RNF150: variants seen among roughly 807,000 people sequenced by gnomAD.
The protein encoded by RNF150 is ring finger protein 150.
A neutral mutation model predicts 39.3 loss-of-function variants in RNF150; 24 were observed. The observed-to-expected ratio is 0.61, with a 90% CI of 0.44 to 0.86. The LOEUF (loss-of-function observed/expected upper bound fraction) is 0.86, where lower values mean the gene tolerates loss of function less well. Among genes scored for constraint, RNF150 ranks in the 40% least tolerant of loss-of-function variants. The probability of loss-of-function intolerance (pLI) is 0.00; values close to 1 mark genes in which losing one functional copy is unlikely to be tolerated. For missense variants in RNF150, 502 were observed against 587.8 expected, an observed-to-expected ratio of 0.85 and a Z score of 1.51; for synonymous variants, 255 against 227.3, an observed-to-expected ratio of 1.12 and a Z score of -1.10.
chr4:140,954,328 C>T (rs776873697), intron 2 of RNF150, among the ~76,000 whole-genome samples: 1 of 152,106 alleles, frequency 6.6e-6, no homozygotes. Flanking sequence ...GATTCTCATA[C>T]CTCAGCCTCC....
chr4:140,974,159 C>A (rs1046498539), intron 1 of RNF150, among the ~76,000 whole-genome samples: 2 of 152,066 alleles, frequency 1.3e-5, no homozygotes, highest in Non-Finnish European at 2.9e-5. Context: ...CATATTCCAC[C>A]ATCAATAAGA....
intron 1 of RNF150, among the ~76,000 whole-genome samples, chr4:141,076,516 G>A (rs925736085): frequency 3.3e-5 from 5 of 151,652 alleles, no homozygotes; most frequent in African/African-American, 1.2e-4. Flanking sequence ...TAAGGCTCAA[G>A]TATAATGTCA....
intron 1 of RNF150, among the ~76,000 whole-genome samples, chr4:141,114,317 G>A (rs1331370002): frequency 1.3e-5 from 2 of 151,510 alleles, no homozygotes; most frequent in African/African-American, 2.4e-5. Flanking sequence ...AAAATGACGA[G>A]GATATCACCA....
chr4:141,104,418 G>A (rs112260285), intron 1 of RNF150, among the ~76,000 whole-genome samples: 33 of 152,270 alleles, frequency 2.2e-4, no homozygotes, highest in African/African-American at 7.7e-4. Context: ...TCAGAGCTGA[G>A]CAGCAACTGA....
At chr4:141,077,019 A>G (rs567109514) in intron 1 of RNF150, among the ~76,000 whole-genome samples, 2 of 152,270 alleles carry the variant, frequency 1.3e-5, no homozygotes, top group East Asian at 1.9e-4. Context: ...GTGGCTGGTC[A>G]TGATCCTGAA....
intron 1 of RNF150, among the ~76,000 whole-genome samples, chr4:140,968,837 T>C (rs1733351052): frequency 6.6e-6 from 1 of 151,566 alleles, no homozygotes; most frequent in South Asian, 2.1e-4. Context: ...CAGATTCAAA[T>C]ATTAATATTA....
rs534345165 is a variant in RNF150 at position 141,063,618 on chromosome 4, C to A, written c.484+68707G>T. ...TTTCCAGTAGCCACCTGGGAAAGGG[C>A]TGGATGGGGGTGGACGTTGTTTTAT... On this transcript the variant is annotated intron_variant, in intron 1 of 6. Coordinates refer to ENST00000515673, the MANE Select transcript of RNF150 (RefSeq NM_020724.2). Among the ~76,000 whole-genome samples, 4 of 152,192 alleles carry A rather than the reference C, an allele frequency of 2.6e-5. No homozygotes were observed. The East Asian group carries it at 7.7e-4, about 29-fold the overall frequency.
chr4:141,010,007 G>A (rs1312373274), intron 1 of RNF150, among the ~76,000 whole-genome samples: 4 of 152,178 alleles, frequency 2.6e-5, no homozygotes, highest in Admixed American at 1.3e-4. Context: ...GTTACTTGAT[G>A]TGTTTGCTTT....
chr4:140,988,482 CAAATAT>C (rs1418640029), intron 1 of RNF150, among the ~76,000 whole-genome samples: 2 of 151,940 alleles, frequency 1.3e-5, no homozygotes, highest in African/African-American at 2.4e-5. Flanking sequence ...AAAATATTCA[CAAATAT>C]ATATATATAT....
chr4:141,197,877 CA>C (rs112112720), intron 1 of RNF150, among the ~76,000 whole-genome samples: 14 of 140,222 alleles, frequency 1.0e-4, no homozygotes, highest in East Asian at 4.1e-4. Context: ...GATTCTGTCT[CA>C]AAAAAAAAAT....
At chr4:141,076,113 C>CTT (rs141635392) in intron 1 of RNF150, among the ~76,000 whole-genome samples, 1,959 of 152,208 alleles carry the variant, frequency 0.013, 54 homozygotes, top group African/African-American at 0.045. Context: ...AGGAACAACT[C>CTT]TAAAGATTTC....
At chr4:141,180,488 A>C (rs1420473801) in intron 1 of RNF150, among the ~76,000 whole-genome samples, 1 of 152,160 alleles carries the variant, frequency 6.6e-6, no homozygotes, top group Non-Finnish European at 1.5e-5. Flanking sequence ...GGATAAGGGA[A>C]TTGGAGATGT....
intron 6 of RNF150, among the ~76,000 whole-genome samples, chr4:140,894,594 C>G (rs1029192908): frequency 6.6e-6 from 1 of 152,122 alleles, no homozygotes; most frequent in Non-Finnish European, 1.5e-5. Flanking sequence ...CCTGGGTCCC[C>G]TCCTTTGATT....
chr4:141,146,154 C>T (rs1231052012), intron 1 of RNF150, among the ~76,000 whole-genome samples: 2 of 152,210 alleles, frequency 1.3e-5, no homozygotes, highest in Non-Finnish European at 2.9e-5. Flanking sequence ...GGGATGGATA[C>T]ATGTTTAATA....
At chr4:140,902,303 G>A (rs1376822327) in intron 6 of RNF150, among the ~76,000 whole-genome samples, 1 of 152,180 alleles carries the variant, frequency 6.6e-6, no homozygotes, top group Admixed American at 6.5e-5. Flanking sequence ...ATTAGCCTGA[G>A]CACTGGGAAG....
chr4:141,115,358 A>G (rs1167398651), intron 1 of RNF150, among the ~76,000 whole-genome samples: 1 of 152,226 alleles, frequency 6.6e-6, no homozygotes, highest in Non-Finnish European at 1.5e-5. Context: ...ATACACAAAC[A>G]GAGAGCCAAA....
At chr4:141,047,851 T>C (rs1436482905) in intron 1 of RNF150, among the ~76,000 whole-genome samples, 1 of 152,140 alleles carries the variant, frequency 6.6e-6, no homozygotes, top group African/African-American at 2.4e-5. Context: ...CTACAGAATA[T>C]ATTATTTTTC....
At chr4:141,123,394 G>A (rs1017947605) in intron 1 of RNF150, among the ~76,000 whole-genome samples, 1 of 152,140 alleles carries the variant, frequency 6.6e-6, no homozygotes, top group Non-Finnish European at 1.5e-5. Flanking sequence ...AGTAATTAGA[G>A]TTCTCTATTA....
At position 140,900,189 on chromosome 4, in the gene RNF150, G is replaced by T. The variant is rs144894055; in HGVS notation, c.1198+10955C>A. 3.0e-3 allele frequency among the ~76,000 whole-genome samples: 464 copies of T among 152,228 alleles called. 3 individuals carry two copies. The highest frequency in any genetic ancestry group is 5.7e-3 in the Non-Finnish European group (390 of 68,008). On this transcript the variant is annotated intron_variant, in intron 6 of 6. Coordinates refer to ENST00000515673, the MANE Select transcript of RNF150 (RefSeq NM_020724.2). ...CATCAAGACCTAGAAATCTGAAATT[G>T]CTGCTTTATTCATAGAGCAGTTGTC...
Sources: allele counts gnomAD v4.1 joint callset (sites outside exome capture counted in the v4.1 genomes callset), GRCh38; gene constraint gnomAD v4.1.1; transcripts MANE v1.5; gene names NCBI Gene and HGNC (gene_info 2026-07-23, HGNC 2026-07-21).